Variants in TCF20 observed in about 807,000 individuals in gnomAD.
TCF20 encodes the protein SPRE-binding protein.
A neutral mutation model predicts 148.6 loss-of-function variants in TCF20; 3 were observed. The observed-to-expected ratio is 0.02, with a 90% CI of 0.01 to 0.05. The LOEUF is 0.05. TCF20 is among the 10% of genes least tolerant of loss of function. The probability of loss-of-function intolerance (pLI) is 1.00; values close to 1 mark genes in which losing one functional copy is unlikely to be tolerated. For missense variants in TCF20, 2,350 were observed against 2,429.3 expected (o/e 0.97, Z 0.69); for synonymous variants, 1,049 against 909.5 (o/e 1.15, Z -2.76).
In TCF20 at chr22:42,317,639, C is replaced by T. The variant is rs974201525; in HGVS notation, c.-37+25840G>A. Among the ~76,000 whole-genome samples, 5 of 152,154 alleles carry T rather than the reference C, an allele frequency of 3.3e-5. No homozygotes were observed. The highest frequency in any genetic ancestry group is 7.2e-5 in the African/African-American group (3 of 41,456). ...GAGGAGGGCTCTGCTCCTGCATTCC[C>T]GCTGGGGGCTGGGGGGGAAAGGGGT... On this transcript the variant is annotated intron_variant, in intron 1 of 1. Transcript: ENST00000515426. This position sits in a 1 kb window ranked among gnomAD's most constrained non-coding sequence, Gnocchi z 4.2.
chr22:42,267,310 G>GT (rs1022186738), intron 1 of TCF20, among the ~76,000 whole-genome samples: 1 of 152,102 alleles, frequency 6.6e-6, no homozygotes, highest in Non-Finnish European at 1.5e-5. Context: ...AGTAATCGGA[G>GT]TTTTTTTAAA....
In TCF20 at chr22:42,226,567, C is replaced by T. The variant is rs997424157; in HGVS notation, c.-36-11226G>A. ...TAAAAATACAAAAACTGGCCACATA[C>T]GGTGGCGGAAACCTATAATCCCAGC... On this transcript the variant is annotated intron_variant, in intron 1 of 5. Coordinates refer to ENST00000677622, the MANE Select transcript of TCF20 (RefSeq NM_001378418.1). 2.6e-5 allele frequency among the ~76,000 whole-genome samples: 4 copies of T among 151,888 alleles called. 1 individual carries two copies. The South Asian group carries it at 6.2e-4, about 24-fold the overall frequency.
rs1357971588 is a variant in TCF20, at chr22:42,160,387, C to T, written c.*1016G>A. 2.0e-5 allele frequency: 3 copies of T among 152,692 alleles called. No homozygotes were observed. The highest frequency in any genetic ancestry group is 2.9e-5 in the Non-Finnish European group (2 of 68,068). 9.5% of individuals were successfully genotyped at this position (152,692 alleles called of 1,614,324 possible). On this transcript the variant is annotated 3_prime_UTR_variant, in exon 6 of 6. Transcript: ENST00000677622. Reference sequence around the variant, plus strand: ...TCACAGCGACAGTCCCTCCCCGTCCCTGCCTACAGCTCACACTGCCAGCTC... The same window carrying T: ...TCACAGCGACAGTCCCTCCCCGTCCTTGCCTACAGCTCACACTGCCAGCTC...
At chr22:42,256,619 C>G (rs1237098992) in intron 1 of TCF20, among the ~76,000 whole-genome samples, 1 of 152,012 alleles carries the variant, frequency 6.6e-6, no homozygotes, top group Admixed American at 6.6e-5. Flanking sequence ...AAATCCTATT[C>G]CTGCTATATT....
intron 1 of TCF20, among the ~76,000 whole-genome samples, chr22:42,220,606 C>T (rs1922270596): frequency 6.6e-6 from 1 of 152,160 alleles, no homozygotes; most frequent in South Asian, 2.1e-4. Flanking sequence ...GGGATATTCC[C>T]TGTTTGCCCC....
At chr22:42,165,046 G>C (rs926455678) in intron 5 of TCF20, among the ~76,000 whole-genome samples, 5 of 152,202 alleles carry the variant, frequency 3.3e-5, no homozygotes, top group African/African-American at 1.2e-4. Context: ...AATGAAGATT[G>C]CACTTGGCTG....
chr22:42,253,445 T>G (rs1220443206), intron 1 of TCF20, among the ~76,000 whole-genome samples: 1 of 152,212 alleles, frequency 6.6e-6, no homozygotes, highest in African/African-American at 2.4e-5. Flanking sequence ...AAATATTTAT[T>G]AAACTTCTCT....
chr22:42,174,658 C>T (rs1204009713), intron 3 of TCF20, among the ~76,000 whole-genome samples: 2 of 152,122 alleles, frequency 1.3e-5, no homozygotes, highest in Admixed American at 6.5e-5. Flanking sequence ...TTGGGAGGAT[C>T]GCTTGAGCCT....
chr22:42,164,917 C>T (rs1363229399), intron 5 of TCF20, among the ~76,000 whole-genome samples: 1 of 152,158 alleles, frequency 6.6e-6, no homozygotes, highest in Non-Finnish European at 1.5e-5. Context: ...AGCCAGGGGC[C>T]TGGAGAGTCA....
At chr22:42,277,266 T>C (rs1217329851) in intron 1 of TCF20, among the ~76,000 whole-genome samples, 1 of 152,202 alleles carries the variant, frequency 6.6e-6, no homozygotes, top group Admixed American at 6.5e-5. Flanking sequence ...TCAACAAACA[T>C]TGACTGAGCC....
chr22:42,282,555 A>G (rs1014806962), intron 1 of TCF20, among the ~76,000 whole-genome samples: 2 of 152,094 alleles, frequency 1.3e-5, no homozygotes, highest in African/African-American at 4.8e-5. Flanking sequence ...GCAAAGCCCC[A>G]TCCCAGCCTC....
At chr22:42,242,660 G>A (rs540502521) in intron 1 of TCF20, among the ~76,000 whole-genome samples, 3 of 152,110 alleles carry the variant, frequency 2.0e-5, no homozygotes, top group East Asian at 3.9e-4. Flanking sequence ...GCTGAGGCAC[G>A]CGGATCACCT....
At chr22:42,261,820 G>C (rs1354633952) in intron 1 of TCF20, among the ~76,000 whole-genome samples, 4 of 152,142 alleles carry the variant, frequency 2.6e-5, no homozygotes, top group African/African-American at 7.2e-5. Context: ...GGTGGAACCT[G>C]TCTCTACTAA....
At chr22:42,209,501 A>G (rs368012253) in intron 2 of TCF20, 150 bp downstream of exon 2, 3 of 921,004 alleles carry the variant, frequency 3.3e-6, no homozygotes, top group Admixed American at 5.3e-5. Context: ...CAAATCTTCC[A>G]AATTACCTAT....
intron 1 of TCF20, among the ~76,000 whole-genome samples, chr22:42,305,391 C>G (rs1213549184): frequency 6.6e-6 from 1 of 152,122 alleles, no homozygotes; most frequent in East Asian, 1.9e-4. Flanking sequence ...CTTCTTGGTC[C>G]TCCTATGACT....
At position 42,211,355 on chromosome 22, in the gene TCF20, G is replaced by C. The variant is rs767867480; in HGVS notation, c.3951C>G (p.Ser1317=). 6.2e-7 allele frequency: 1 copy of C among 1,614,204 alleles called. No homozygotes were observed. The highest frequency in any genetic ancestry group is 8.5e-7 in the Non-Finnish European group (1 of 1,180,034). ...DIKSIPKRDS[S]KDLPSPDSRN... is the part of the protein sequence containing the mutation. ...TACTATCTGGACTTGGAAGGTCCTT[G>C]GAGGAATCTCTCTTAGGGATAGACT... Residue 1317 remains serine, a synonymous_variant, in exon 2 of 6, where the codon TCC becomes TCG. Coordinates refer to ENST00000677622, the MANE Select transcript of TCF20 (RefSeq NM_001378418.1).
At chr22:42,265,825 T>C (rs1418861726) in intron 1 of TCF20, among the ~76,000 whole-genome samples, 1 of 152,202 alleles carries the variant, frequency 6.6e-6, no homozygotes, top group Non-Finnish European at 1.5e-5. Context: ...CAGGAAGAGA[T>C]AGCCCTTTAC....
In TCF20 at chr22:42,290,283, C is replaced by T. The variant is rs1172778197; in HGVS notation, c.-37+53196G>A. 2.6e-5 allele frequency among the ~76,000 whole-genome samples: 4 copies of T among 152,204 alleles called. 1 individual carries two copies. In the South Asian group the frequency reaches 6.2e-4, roughly 24 times the overall value. ...CCTAGGATGTGCAGGAGGCTCGGGGCCCCTGAGAAGCGGCCCAGCACAGGC... is the reference window on the plus strand; with the variant it reads ...CCTAGGATGTGCAGGAGGCTCGGGGTCCCTGAGAAGCGGCCCAGCACAGGC... On this transcript the variant is annotated intron_variant, in intron 1 of 1. Transcript: ENST00000515426. This position sits in a 1 kb window ranked among gnomAD's most constrained non-coding sequence, Gnocchi z 4.2.
At chr22:42,169,926 A>C in intron 3 of TCF20, 30 bp from the exon 4 acceptor site, 1 of 1,611,650 alleles carries the variant, frequency 6.2e-7, no homozygotes, top group South Asian at 1.1e-5. Context: ...AGTCAGATGG[A>C]GACTTCACAG....
Sources: allele counts gnomAD v4.1 joint callset (sites outside exome capture counted in the v4.1 genomes callset), GRCh38; gene constraint gnomAD v4.1.1; non-coding constraint Gnocchi (gnomAD v3.1); transcripts MANE v1.5; gene names NCBI Gene and HGNC (gene_info 2026-07-23, HGNC 2026-07-21).